The following DGKZ variants were observed in gnomAD, a reference collection of about 807,000 sequenced individuals.
DGKZ encodes DAG kinase zeta.
Under a neutral mutation model 142.5 loss-of-function variants are expected in DGKZ, and 45 were observed. That is an observed-to-expected ratio of 0.32 (90% CI 0.25 to 0.40). DGKZ has a LOEUF of 0.40. Ranked by LOEUF, DGKZ falls within the 10% of genes least tolerant of loss-of-function variation. The pLI is 1.00. For synonymous variants in DGKZ, 442 were observed against 527.0 expected, an observed-to-expected ratio of 0.84 and a Z score of 2.21; for missense variants, 755 against 1,306.5, an observed-to-expected ratio of 0.58 and a Z score of 6.51.
intron 24 of DGKZ, 132 bp from the exon 25 acceptor site, chr11:46,376,941 G>T (rs1944616655): frequency 1.3e-6 from 1 of 784,398 alleles, no homozygotes; most frequent in Non-Finnish European, 2.1e-6. Context: ...GGGACAGGCA[G>T]GGCCCCTTGC....
chr11:46,353,049 G>C (rs1353969216), intron 1 of DGKZ, among the ~76,000 whole-genome samples: 1 of 152,252 alleles, frequency 6.6e-6, no homozygotes, highest in Non-Finnish European at 1.5e-5. Context: ...GCCGCGGAGG[G>C]GAGGGAGAGG....
intron 1 of DGKZ, among the ~76,000 whole-genome samples, chr11:46,352,229 T>C (rs1436468794): frequency 6.6e-6 from 1 of 152,134 alleles, no homozygotes; most frequent in Non-Finnish European, 1.5e-5. Flanking sequence ...TCCACCCACT[T>C]TAAGGCAGGA....
At position 46,378,547 on chromosome 11, in the gene DGKZ, C is replaced by T. The variant is rs372048533; in HGVS notation, c.2418+47C>T. On this transcript the variant is annotated intron_variant, in intron 27 of 30. Transcript: ENST00000527911. ...TCCTTCCCCCAGCAGCTCCCTCGGG[C>T]CCTGGGGAGCGAGGCCTCTGGGTTG... 12 of 1,612,344 alleles carry T rather than the reference C, an allele frequency of 7.4e-6. No homozygotes were observed. In the African/African-American group the frequency reaches 1.6e-4, roughly 22 times the overall value.
chr11:46,342,923 A>C (rs1174415340), upstream of DGKZ, among the ~76,000 whole-genome samples: 2 of 152,210 alleles, frequency 1.3e-5, no homozygotes, highest in Non-Finnish European at 2.9e-5. Context: ...CAGGAATTCA[A>C]GACCAGCCTG....
At chr11:46,336,831 G>A (rs1190701369) in intron 1 of DGKZ, among the ~76,000 whole-genome samples, 2 of 152,186 alleles carry the variant, frequency 1.3e-5, no homozygotes, top group Non-Finnish European at 2.9e-5. Flanking sequence ...GGGGTCACAA[G>A]CATGACCCAC....
intron 1 of DGKZ, among the ~76,000 whole-genome samples, chr11:46,349,573 AT>A: frequency 6.6e-6 from 1 of 152,086 alleles, no homozygotes; most frequent in Non-Finnish European, 1.5e-5. Context: ...AAAAAAACCA[AT>A]TTTTTGTAGA....
chr11:46,378,060 G>T (rs1284998265), intron 25 of DGKZ, 138 bp from the exon 26 acceptor site: 1 of 1,090,022 alleles, frequency 9.2e-7, no homozygotes, highest in African/African-American at 1.6e-5. Context: ...TGTATCCCCA[G>T]TGCCTGGAAT....
At chr11:46,364,579 G>T in intron 1 of DGKZ, 2 of 985,432 alleles carry the variant, frequency 2.0e-6, no homozygotes, top group Non-Finnish European at 2.4e-6. Context: ...GCTGAGCTGT[G>T]CAGAACTCTG....
chr11:46,361,632 C>T (rs371439842), intron 1 of DGKZ: 3 of 985,470 alleles, frequency 3.0e-6, no homozygotes, highest in Non-Finnish European at 3.6e-6. Context: ...CAGCAGAGGC[C>T]GCCAGCCCGG....
Position 46,376,049 on chromosome 11 carries a change from G to A in DGKZ, c.2012-17G>A. ...TGTGGGGTGCAGCCAGCTGCTGACA[G>A]GTGCTCTGTTCTCCAGCTGTGCCGC... On this transcript the variant is annotated splice_polypyrimidine_tract_variant and intron_variant, in intron 21 of 30. Transcript: ENST00000527911. The A allele has an allele frequency of 1.9e-6, 3 of 1,612,200 alleles. No individual in the cohort carries two copies. The highest frequency in any genetic ancestry group is 2.5e-6 in the Non-Finnish European group (3 of 1,179,922).
exon 1 of DGKZ, chr11:46,333,003 G>T: frequency 3.1e-6 from 1 of 320,050 alleles, no homozygotes; most frequent in Admixed American, 5.0e-5. Flanking sequence ...AGCCGTCCGG[G>T]GGGCGCCGCG....
At chr11:46,333,196 C>G (rs1365580339) in exon 1 of DGKZ, 2 of 1,181,112 alleles carry the variant, frequency 1.7e-6, no homozygotes, top group South Asian at 3.8e-5. Flanking sequence ...CTCGCGTCCC[C>G]GGCCCGGGCG....
exon 6 of DGKZ, chr11:46,369,995 C>T (rs764737038): frequency 6.8e-6 from 11 of 1,613,652 alleles, no homozygotes; most frequent in South Asian, 1.1e-5. Context: ...CGGCAAGTGT[C>T]GGCACTGTGG....
At chr11:46,366,999 G>A (rs1394844121) in intron 1 of DGKZ, 1 of 1,500,210 alleles carries the variant, frequency 6.7e-7, no homozygotes, top group Non-Finnish European at 8.8e-7. Context: ...GTATAGCTGT[G>A]GCCAGCAGGG....
At chr11:46,365,719 G>A in intron 1 of DGKZ, 2 of 985,426 alleles carry the variant, frequency 2.0e-6, no homozygotes, top group Non-Finnish European at 2.4e-6. Flanking sequence ...TTTGCTCCAT[G>A]TCCCATGAGG....
At chr11:46,333,707 A>G (rs78168172) in intron 1 of DGKZ, among the ~76,000 whole-genome samples, 15,104 of 152,152 alleles carry the variant, frequency 0.099, 2,461 homozygotes, top group African/African-American at 0.34. Flanking sequence ...TCCAATATGC[A>G]GTGGCTGAGG....
intron 1 of DGKZ, among the ~76,000 whole-genome samples, chr11:46,354,583 A>T (rs1941785902): frequency 6.6e-6 from 1 of 152,152 alleles, no homozygotes; most frequent in Admixed American, 6.5e-5. Flanking sequence ...ATAAGGTGAC[A>T]CCTACTGCCT....
chr11:46,334,249 TA>T (rs1939902066), intron 1 of DGKZ, among the ~76,000 whole-genome samples: 1 of 152,162 alleles, frequency 6.6e-6, no homozygotes, highest in South Asian at 2.1e-4. Flanking sequence ...GACAGCCCAG[TA>T]CACACCTTAC....
In DGKZ at chr11:46,333,322, G is replaced by C. The variant is rs1306132354; in HGVS notation, c.47G>C (p.Gly16Ala). ...GGAGGGCAGCGCTGGGACTGGGCTG[G>C]CGGCGGCCGGGCAGCCGAGGAGGAG... Residue 16 changes from glycine (G) to alanine (A), a missense_variant, in exon 1 of 31, where the codon GGC becomes GCC. Coordinates refer to the DGKZ transcript ENST00000343674. The C allele has an allele frequency of 2.3e-6, 3 of 1,326,954 alleles. No individual in the cohort carries two copies. In the East Asian group the frequency reaches 9.4e-5, roughly 42 times the overall value. The allele number at this position is 1,326,954 out of a possible 1,614,324, so 82.2% of individuals were successfully genotyped here.
Sources: allele counts gnomAD v4.1 joint callset (sites outside exome capture counted in the v4.1 genomes callset), GRCh38; gene constraint gnomAD v4.1.1; transcripts MANE v1.5; gene names NCBI Gene and HGNC (gene_info 2026-07-23, HGNC 2026-07-21).